Variants in DOCK4 observed in about 807,000 individuals in gnomAD.
DOCK4 encodes the protein dedicator of cytokinesis 4, also known as dedicator of cytokinesis protein 4.
Under a neutral mutation model 268.1 loss-of-function variants are expected in DOCK4, and 97 were observed. The observed-to-expected ratio is 0.36, with a 90% CI of 0.31 to 0.43. The LOEUF is 0.43. Among genes scored for constraint, DOCK4 ranks in the 20% least tolerant of loss-of-function variants. The probability of loss-of-function intolerance (pLI) is 1.00; values close to 1 mark genes in which losing one functional copy is unlikely to be tolerated. For synonymous variants in DOCK4, 954 were observed against 887.2 expected (o/e 1.08, Z -1.34); for missense variants, 2,145 against 2,455.7 (o/e 0.87, Z 2.67).
intron 13 of DOCK4, among the ~76,000 whole-genome samples, chr7:111,915,023 T>A (rs749858522): frequency 6.6e-6 from 1 of 152,198 alleles, no homozygotes; most frequent in East Asian, 1.9e-4. Flanking sequence ...TAAACACACA[T>A]CCTTCCTCAT....
intron 8 of DOCK4, among the ~76,000 whole-genome samples, chr7:111,962,121 A>C (rs937470366): frequency 2.0e-5 from 3 of 152,156 alleles, no homozygotes; most frequent in Admixed American, 6.5e-5. Context: ...GAAGTATTTT[A>C]AAGCAAATCA....
chr7:112,034,885 G>A (rs1322405856), intron 1 of DOCK4, among the ~76,000 whole-genome samples: 2 of 152,028 alleles, frequency 1.3e-5, no homozygotes, highest in Non-Finnish European at 2.9e-5. Flanking sequence ...CTGGGAGACA[G>A]AAAAAATGAC....
chr7:111,962,390 C>G (rs761214326), intron 8 of DOCK4, among the ~76,000 whole-genome samples: 1 of 152,118 alleles, frequency 6.6e-6, no homozygotes, highest in Non-Finnish European at 1.5e-5. Context: ...TCCAATAACC[C>G]CATGGGGAAA....
intron 8 of DOCK4, among the ~76,000 whole-genome samples, chr7:111,970,247 T>C (rs969024525): frequency 6.6e-6 from 1 of 152,098 alleles, no homozygotes; most frequent in African/African-American, 2.4e-5. Context: ...AGAATACAGA[T>C]TCCTACATAA....
chr7:111,942,012 T>A (rs748273400), intron 10 of DOCK4, among the ~76,000 whole-genome samples: 1 of 152,228 alleles, frequency 6.6e-6, no homozygotes, highest in Non-Finnish European at 1.5e-5. Context: ...ACTGGAAAGA[T>A]GTTTTGGTGC....
chr7:111,963,426 G>C (rs576201379), intron 8 of DOCK4, among the ~76,000 whole-genome samples: 1 of 118,734 alleles, frequency 8.4e-6, no homozygotes, highest in African/African-American at 4.5e-5. Flanking sequence ...TTCCCTTTCT[G>C]AGTCAAAGAA....
intron 7 of DOCK4, among the ~76,000 whole-genome samples, chr7:111,982,213 G>A (rs558152941): frequency 6.6e-6 from 1 of 152,142 alleles, no homozygotes; most frequent in Non-Finnish European, 1.5e-5. Context: ...AGGTGTTCTT[G>A]GTGATGGAAG....
chr7:112,072,502 C>T (rs759725965), intron 1 of DOCK4, among the ~76,000 whole-genome samples: 1 of 152,126 alleles, frequency 6.6e-6, no homozygotes, highest in Admixed American at 6.6e-5. Flanking sequence ...CTAGCAAAAA[C>T]AGTACAGAGA....
chr7:111,915,893 A>C lies in DOCK4; in HGVS notation c.1078T>G (p.Ser360Ala). The change falls in exon 13 of 53, where the codon TCC becomes GCC. Residue 360 changes from serine to alanine, a missense_variant. By Grantham distance (99) the Ser-to-Ala change is moderately conservative. This residue lies in a region of DOCK4 where 1,598 missense variants were observed against 1,986.7 expected (regional missense o/e 0.80). Transcript: ENST00000428084. ...LTGSNAGLAV[S>A]LQLLHGDIEQ... ...ATGTCTCCGTGCAATAGCTGTAAGGAAACTGCTAAACCTAAAACAGATGAG... is the reference window on the plus strand; with the variant it reads ...ATGTCTCCGTGCAATAGCTGTAAGGCAACTGCTAAACCTAAAACAGATGAG... 4.3e-6 allele frequency: 7 copies of C among 1,611,436 alleles called. No individual in the cohort carries two copies. The highest frequency in any genetic ancestry group is 5.9e-6 in the Non-Finnish European group (7 of 1,178,830).
rs890304182 is a variant in DOCK4 at position 111,773,380 on chromosome 7, T to A, written c.3680-3703A>T. 2.0e-5 allele frequency among the ~76,000 whole-genome samples: 3 copies of A among 152,186 alleles called. No homozygotes were observed. In the East Asian group the frequency reaches 5.8e-4, roughly 29 times the overall value. ...TTATGACTTTGGGGAACATAAAGAC[T>A]GCAAGTTGAGTAAACAAATTAAAGA... On this transcript the variant is annotated intron_variant, in intron 36 of 52. Transcript: ENST00000428084.
intron 1 of DOCK4, among the ~76,000 whole-genome samples, chr7:112,024,460 A>G (rs772113216): frequency 6.6e-6 from 1 of 152,172 alleles, no homozygotes; most frequent in African/African-American, 2.4e-5. Context: ...TGGCCAATGC[A>G]TTCCCGGCTG....
chr7:112,160,767 C>T (rs1817040503), intron 1 of DOCK4, among the ~76,000 whole-genome samples: 1 of 152,196 alleles, frequency 6.6e-6, no homozygotes, highest in South Asian at 2.1e-4. Context: ...ACTTATCTTT[C>T]GAAACAACTT....
intron 1 of DOCK4, among the ~76,000 whole-genome samples, chr7:112,201,898 G>C (rs1054074527): frequency 1.3e-5 from 2 of 152,142 alleles, no homozygotes; most frequent in African/African-American, 4.8e-5. Context: ...CTATATTTAT[G>C]AAGTAAACTT....
chr7:111,728,542 A>G lies in DOCK4; in HGVS notation c.5660T>C (p.Val1887Ala). ...QVNEQSAPLPVPVPVPVPSYG... is the reference protein window; with the variant it reads ...QVNEQSAPLPAPVPVPVPSYG... The stretch of plus-strand genomic sequence containing the variant: ...GCTCGGCACGGGCACCGGCACTGGC[A>G]CCGGCAGGGGGGCCGACTGTTCATT... Residue 1887 changes from valine (V) to alanine (A), a missense_variant, in exon 53 of 53, where the codon GTG becomes GCG. Val to Ala is a moderately conservative substitution (Grantham distance 64, BLOSUM62 0). Transcript: ENST00000428084. 6.2e-7 allele frequency: 1 copy of G among 1,613,722 alleles called. No individual in the cohort carries two copies. The highest frequency in any genetic ancestry group is 8.5e-7 in the Non-Finnish European group (1 of 1,179,838).
chr7:111,983,811 G>T (rs1244104950), intron 7 of DOCK4, among the ~76,000 whole-genome samples: 5 of 146,742 alleles, frequency 3.4e-5, no homozygotes, highest in Non-Finnish European at 6.0e-5. Context: ...TCAGTAGTTG[G>T]TGTATATAGT....
intron 1 of DOCK4, among the ~76,000 whole-genome samples, chr7:112,200,130 C>T (rs1820786473): frequency 6.6e-6 from 1 of 152,178 alleles, no homozygotes; most frequent in Non-Finnish European, 1.5e-5. Flanking sequence ...TCTGGTATCA[C>T]AAATGTAGCA....
chr7:112,173,011 C>T (rs1192329181), intron 1 of DOCK4, among the ~76,000 whole-genome samples: 1 of 152,132 alleles, frequency 6.6e-6, no homozygotes, highest in African/African-American at 2.4e-5. Flanking sequence ...GTCGTGTGAG[C>T]CCTTCATGAC....
intron 16 of DOCK4, among the ~76,000 whole-genome samples, chr7:111,879,221 G>A (rs183190207): frequency 6.6e-6 from 1 of 151,972 alleles, no homozygotes; most frequent in Non-Finnish European, 1.5e-5. Context: ...CCCATCCTGG[G>A]CCAAAAGGGA....
At chr7:112,172,096 G>A (rs1295330090) in intron 1 of DOCK4, among the ~76,000 whole-genome samples, 11 of 152,250 alleles carry the variant, frequency 7.2e-5, no homozygotes, top group African/African-American at 2.2e-4. Flanking sequence ...GTCACATTCC[G>A]AAGTGCTTGG....
Sources: allele counts gnomAD v4.1 joint callset (sites outside exome capture counted in the v4.1 genomes callset), GRCh38; gene constraint gnomAD v4.1.1; regional missense constraint gnomAD v4.1.1; transcripts MANE v1.5; gene names NCBI Gene and HGNC (gene_info 2026-07-23, HGNC 2026-07-21).